The following GREB1 variants were observed in gnomAD, a reference collection of about 807,000 sequenced individuals.
The protein encoded by GREB1 is growth regulating estrogen receptor binding 1.
Under a neutral mutation model 200.7 loss-of-function variants are expected in GREB1, and 106 were observed. The observed-to-expected ratio is 0.53, with a 90% CI of 0.45 to 0.62. The LOEUF (loss-of-function observed/expected upper bound fraction) is 0.62. GREB1 is among the 20% of genes least tolerant of loss of function. GREB1 has a pLI of 0.00. For synonymous variants in GREB1, 1,132 were observed against 1,092.4 expected (o/e 1.04, Z -0.72); for missense variants, 2,243 against 2,556.8 (o/e 0.88, Z 2.65).
At chr2:11,504,895 T>G (rs1197127146) in intron 1 of GREB1, among the ~76,000 whole-genome samples, 3 of 152,342 alleles carry the variant, frequency 2.0e-5, no homozygotes. Flanking sequence ...GAGTAACAAC[T>G]GCCTTGCAAG....
chr2:11,487,081 CATT>C (rs1213183713), intron 1 of GREB1, among the ~76,000 whole-genome samples: 1 of 151,968 alleles, frequency 6.6e-6, no homozygotes, highest in African/African-American at 2.4e-5. Flanking sequence ...ATTTCTTTGA[CATT>C]ATTATTTTAA....
rs748162645 is a variant in GREB1 at position 11,634,127 on chromosome 2, G to T, written c.4992-4G>T. ...TAGGGACTCACTCTCCCTCCTTGGA[G>T]CAGGGAGTTCTCCTGGTCGGAAAGG... On this transcript the variant is annotated splice_polypyrimidine_tract_variant and splice_region_variant and intron_variant, in intron 28 of 32. Transcript: ENST00000381486. The T allele has an allele frequency of 1.2e-6, 2 of 1,613,924 alleles. No individual in the cohort carries two copies. The highest frequency in any genetic ancestry group is 1.1e-5 in the South Asian group (1 of 91,088).
chr2:11,548,100 C>T lies in GREB1; in HGVS notation c.-161-8354C>T, dbSNP rs1419467125. On this transcript the variant is annotated intron_variant, in intron 1 of 32. Transcript: ENST00000381486. This position sits in a 1 kb window ranked among gnomAD's most constrained non-coding sequence, Gnocchi z 5.1. ...GGCTGAGGTGGGAGGATTACTTGAG[C>T]CCAGGAGTTGAGGCTACAGTGAGCT... Among the ~76,000 whole-genome samples, 1 of 152,058 alleles carries T rather than the reference C, an allele frequency of 6.6e-6. No homozygotes were observed. The highest frequency in any genetic ancestry group is 1.5e-5 in the Non-Finnish European group (1 of 68,008).
Position 11,615,271 on chromosome 2 carries a change from T to C in GREB1, c.3303T>C (p.Asp1101=). 2 of 1,595,286 alleles carry C rather than the reference T, an allele frequency of 1.3e-6. No homozygotes were observed. The highest frequency in any genetic ancestry group is 1.7e-6 in the Non-Finnish European group (2 of 1,170,154). The change falls in exon 20 of 33, where the codon GAT becomes GAC. Residue 1101 remains aspartate, a synonymous_variant. Transcript: ENST00000381486. The part of the protein sequence containing the change: ...AEKLSSTDNE[D]EELGTEGSTS... Reference sequence around the variant, plus strand: ...AGCTGAGCAGCACAGACAACGAGGATGAGGAGCTGGGGACAGAAGGTGAGG... The same window carrying C: ...AGCTGAGCAGCACAGACAACGAGGACGAGGAGCTGGGGACAGAAGGTGAGG...
chr2:11,629,996 GGA>G lies in GREB1; in HGVS notation c.4502_4503del (p.Glu1501GlyfsTer39). The G allele has an allele frequency of 1.9e-6, 3 of 1,614,182 alleles. No individual in the cohort carries two copies. Among genetic ancestry groups the G allele is most frequent in the Non-Finnish European group, 2.5e-6 (3 of 1,180,004 alleles). ...HAFAFSYSML[G>X]EEIQLHFIIP... ...CTTTGCCTTCTCTTACTCCATGCTAGGAGAGGAGATCCAGCTGCACTTCATCA... is the reference window on the plus strand; with the variant it reads ...CTTTGCCTTCTCTTACTCCATGCTAGGAGGAGATCCAGCTGCACTTCATCA... On this transcript the variant is annotated frameshift_variant, in exon 26 of 33. Transcript: ENST00000381486. LOFTEE classifies it high-confidence loss of function. This position sits in a 1 kb window ranked among gnomAD's most constrained non-coding sequence, Gnocchi z 5.2.
intron 17 of GREB1, among the ~76,000 whole-genome samples, chr2:11,605,353 G>A (rs993600015): frequency 6.6e-6 from 1 of 151,482 alleles, no homozygotes; most frequent in Admixed American, 6.6e-5. Context: ...AGTCTCCCAA[G>A]TAGCTGGAAT....
intron 4 of GREB1, among the ~76,000 whole-genome samples, chr2:11,568,747 C>T (rs906049687): frequency 6.6e-6 from 1 of 152,266 alleles, no homozygotes; most frequent in Non-Finnish European, 1.5e-5. Context: ...TCCTTCACCA[C>T]CAGCCCAGTA....
intron 32 of GREB1, among the ~76,000 whole-genome samples, chr2:11,639,197 C>A (rs1262278972): frequency 1.1e-4 from 17 of 152,232 alleles, no homozygotes; most frequent in Admixed American, 1.1e-3. Flanking sequence ...TCAAGTGATT[C>A]TCGTGCCTCA....
At chr2:11,562,776 G>T in intron 3 of GREB1, 194 bp downstream of exon 3, 17 of 499,332 alleles carry the variant, frequency 3.4e-5, no homozygotes, top group South Asian at 1.9e-4. Flanking sequence ...TGAAACAGGA[G>T]CTCCAGAGAC....
intron 17 of GREB1, among the ~76,000 whole-genome samples, chr2:11,610,295 GT>G (rs1682802460): frequency 6.6e-6 from 1 of 152,210 alleles, no homozygotes; most frequent in African/African-American, 2.4e-5. Context: ...TGGTTCTCCT[GT>G]TTCTAGTAGG....
chr2:11,634,288 G>A lies in GREB1; in HGVS notation c.5149G>A (p.Val1717Met), dbSNP rs377649994. 1.3e-5 allele frequency: 21 copies of A among 1,614,070 alleles called. No individual in the cohort carries two copies. In the African/African-American group the frequency reaches 2.5e-4, roughly 19 times the overall value. The part of the protein sequence containing the change: ...EVQEPFSRCH[V>M]HNFIILNVDL... The stretch of plus-strand genomic sequence containing the variant: ...GCAAGAGCCCTTCTCCCGCTGCCAC[G>A]TGCACAACTTCATCATCCTGAACGT... Residue 1717 changes from valine (V) to methionine (M), a missense_variant, in exon 29 of 33, where the codon GTG becomes ATG. Transcript: ENST00000381486.
At chr2:11,588,262 T>G in intron 9 of GREB1, 1 of 1,029,246 alleles carries the variant, frequency 9.7e-7, no homozygotes, top group South Asian at 3.6e-5. Context: ...TCTTCTGGTC[T>G]CTGTGGTGAT....
chr2:11,576,682 C>T, intron 5 of GREB1, 147 bp downstream of exon 5: 5 of 617,186 alleles, frequency 8.1e-6, no homozygotes, highest in Non-Finnish European at 2.8e-6. Flanking sequence ...GAAAATGCTC[C>T]TTTGCGTTAC....
chr2:11,633,968 G>A lies in GREB1; in HGVS notation c.4992-163G>A, dbSNP rs972252189. ...CACATAGCAGAAATGAGCGCCCGTG[G>A]GAAGCGCCCAGCAGGGTGCCTGGCC... On this transcript the variant is annotated intron_variant, in intron 28 of 32. Transcript: ENST00000381486. The surrounding 1 kb of genome is among the most constrained non-coding windows in gnomAD (Gnocchi z 4.1). Among the ~76,000 whole-genome samples, 1 of 152,354 alleles carries A rather than the reference G, an allele frequency of 6.6e-6. No individual in the cohort carries two copies. The highest frequency in any genetic ancestry group is 1.9e-4 in the East Asian group (1 of 5,190).
At chr2:11,612,945 G>A (rs146558976) in intron 19 of GREB1, among the ~76,000 whole-genome samples, 12 of 152,322 alleles carry the variant, frequency 7.9e-5, no homozygotes, top group African/African-American at 2.6e-4. Flanking sequence ...GTGTGCTGGG[G>A]ATGGCAGTTC....
chr2:11,542,210 C>G (rs985629376), intron 1 of GREB1, among the ~76,000 whole-genome samples: 5 of 152,150 alleles, frequency 3.3e-5, no homozygotes, highest in African/African-American at 1.2e-4. Flanking sequence ...AAGGCAAAAT[C>G]CTGATTCTGG....
At chr2:11,519,008 G>A (rs1156948962) in intron 1 of GREB1, among the ~76,000 whole-genome samples, 5 of 151,340 alleles carry the variant, frequency 3.3e-5, no homozygotes, top group African/African-American at 9.7e-5. Flanking sequence ...GCTGAGGCAG[G>A]ATGGCGTGAA....
At chr2:11,507,137 G>A (rs543025996) in intron 1 of GREB1, among the ~76,000 whole-genome samples, 1 of 152,170 alleles carries the variant, frequency 6.6e-6, no homozygotes, top group South Asian at 2.1e-4. Flanking sequence ...AACAGTAACA[G>A]GTGGCTCACG....
intron 1 of GREB1, among the ~76,000 whole-genome samples, chr2:11,491,310 G>A (rs1243820830): frequency 6.6e-6 from 1 of 152,124 alleles, no homozygotes; most frequent in Non-Finnish European, 1.5e-5. Flanking sequence ...CTGCATATTA[G>A]TGTGTTCAAG....
Sources: allele counts gnomAD v4.1 joint callset (sites outside exome capture counted in the v4.1 genomes callset), GRCh38; gene constraint gnomAD v4.1.1; non-coding constraint Gnocchi (gnomAD v3.1); transcripts MANE v1.5; gene names NCBI Gene and HGNC (gene_info 2026-07-23, HGNC 2026-07-21).